CDIN1: variants seen among roughly 807,000 people sequenced by gnomAD.
The protein encoded by CDIN1 is CDAN1-interacting nuclease 1.
Under a neutral mutation model 45.3 loss-of-function variants are expected in CDIN1, and 33 were observed. That is an observed-to-expected ratio of 0.73 (90% CI 0.55 to 0.97). The LOEUF (loss-of-function observed/expected upper bound fraction) is 0.97, where lower values mean the gene tolerates loss of function less well. Among genes scored for constraint, CDIN1 ranks in the 50% least tolerant of loss-of-function variants. The pLI is 0.00. For synonymous variants in CDIN1, 118 were observed against 124.4 expected, an observed-to-expected ratio of 0.95 and a Z score of 0.34; for missense variants, 303 against 339.4, an observed-to-expected ratio of 0.89 and a Z score of 0.84.
At chr15:36,722,153 T>C (rs2043443696) in intron 10 of CDIN1, among the ~76,000 whole-genome samples, 1 of 152,208 alleles carries the variant, frequency 6.6e-6, no homozygotes, top group African/African-American at 2.4e-5. Context: ...TTTTAACACA[T>C]AGTTTAACAG....
chr15:36,749,912 A>G (rs765792092), intron 10 of CDIN1, among the ~76,000 whole-genome samples: 29 of 152,166 alleles, frequency 1.9e-4, no homozygotes, highest in Non-Finnish European at 3.7e-4. Flanking sequence ...AGGTCCCCCG[A>G]CCTTTTGGCC....
rs563055942 is a variant in CDIN1 at position 36,734,224 on chromosome 15, C to T, written c.716+24263C>T. ...AGTCTTCCCCCTCCTAAAAGGAGTC[C>T]TTTTACCCAAATTAAAGTTTAAAAT... On this transcript the variant is annotated intron_variant, in intron 10 of 10. Coordinates refer to ENST00000566621, the MANE Select transcript of CDIN1 (RefSeq NM_001321759.2). 6 of 236,206 alleles carry T rather than the reference C, an allele frequency of 2.5e-5. No individual in the cohort carries two copies. In the East Asian group the frequency reaches 4.0e-4, roughly 16 times the overall value. The allele number at this position is 236,206 out of a possible 1,614,324, so 14.6% of individuals were successfully genotyped here.
chr15:36,737,485 A>T (rs1282858805), intron 10 of CDIN1, among the ~76,000 whole-genome samples: 1 of 152,212 alleles, frequency 6.6e-6, no homozygotes, highest in Admixed American at 6.5e-5. Context: ...GACAGGGACT[A>T]CATGGAGTAC....
At chr15:36,675,201 T>C (rs574757385) in intron 5 of CDIN1, among the ~76,000 whole-genome samples, 1 of 152,270 alleles carries the variant, frequency 6.6e-6, no homozygotes, top group African/African-American at 2.4e-5. Flanking sequence ...AACATTTTTT[T>C]CTGCTAAAGT....
intron 5 of CDIN1, among the ~76,000 whole-genome samples, chr15:36,658,561 G>T (rs984627968): frequency 6.6e-6 from 1 of 152,110 alleles, no homozygotes. Context: ...CTTTTACTAG[G>T]CAGGAGTTTG....
At chr15:36,590,811 C>T (rs753127571) in intron 1 of CDIN1, among the ~76,000 whole-genome samples, 1 of 152,092 alleles carries the variant, frequency 6.6e-6, no homozygotes, top group Non-Finnish European at 1.5e-5. Flanking sequence ...TTGAAAATCC[C>T]CAAGTTTGCA....
At chr15:36,657,108 G>A (rs1339436252) in intron 4 of CDIN1, among the ~76,000 whole-genome samples, 2 of 152,004 alleles carry the variant, frequency 1.3e-5, no homozygotes, top group South Asian at 2.1e-4. Flanking sequence ...AATGACTGTC[G>A]GACTGAATAT....
chr15:36,790,114 C>G (rs11857264), intron 10 of CDIN1: 122,137 of 152,158 alleles, frequency 0.8, 51,885 homozygotes, highest in East Asian at 0.95. Flanking sequence ...ATGGACCTAG[C>G]TGATCTGATT....
chr15:36,668,268 G>A (rs971251313), intron 5 of CDIN1: 3 of 152,108 alleles, frequency 2.0e-5, no homozygotes, highest in Non-Finnish European at 4.4e-5. Context: ...TGACTCTAGG[G>A]TTGAGAGGGT....
At chr15:36,803,595 T>C (rs1259088419) in intron 10 of CDIN1, among the ~76,000 whole-genome samples, 2 of 152,240 alleles carry the variant, frequency 1.3e-5, no homozygotes, top group Non-Finnish European at 2.9e-5. Flanking sequence ...TCCATGTTTT[T>C]GAAAGTTTCA....
intron 8 of CDIN1, chr15:36,704,560 T>A (rs1327659800): frequency 6.9e-6 from 1 of 144,030 alleles, no homozygotes; most frequent in Non-Finnish European, 1.5e-5. Context: ...TATTGAGTGA[T>A]ACAGTGTTTT....
At chr15:36,689,631 C>T (rs1163231203) in intron 5 of CDIN1, among the ~76,000 whole-genome samples, 1 of 152,212 alleles carries the variant, frequency 6.6e-6, no homozygotes, top group Non-Finnish European at 1.5e-5. Context: ...TCCCCTCTGA[C>T]TGGCCAGGCC....
chr15:36,717,076 C>T (rs2043241389), intron 10 of CDIN1, among the ~76,000 whole-genome samples: 1 of 152,144 alleles, frequency 6.6e-6, no homozygotes, highest in Admixed American at 6.5e-5. Flanking sequence ...CTCCAGCATA[C>T]AAGTTTTAGA....
intron 10 of CDIN1, among the ~76,000 whole-genome samples, chr15:36,718,777 A>T (rs980359976): frequency 9.1e-5 from 13 of 142,596 alleles, no homozygotes; most frequent in Non-Finnish European, 1.2e-4. Context: ...TATGTTGTTT[A>T]TAAAGACTAT....
chr15:36,702,483 C>A (rs2042680500), intron 8 of CDIN1, among the ~76,000 whole-genome samples: 1 of 151,208 alleles, frequency 6.6e-6, no homozygotes, highest in Non-Finnish European at 1.5e-5. Flanking sequence ...GTTGTTGTGA[C>A]CACTTACGAT....
chr15:36,687,852 A>G (rs955300068), intron 5 of CDIN1, among the ~76,000 whole-genome samples: 1 of 152,200 alleles, frequency 6.6e-6, no homozygotes, highest in Admixed American at 6.5e-5. Flanking sequence ...GATCACATAT[A>G]AAAACACAAG....
At chr15:36,672,106 G>A (rs1358604708) in intron 5 of CDIN1, among the ~76,000 whole-genome samples, 1 of 151,754 alleles carries the variant, frequency 6.6e-6, no homozygotes, top group Non-Finnish European at 1.5e-5. Context: ...AAAGTGGAAT[G>A]TTAAATTTTA....
At position 36,709,953 on chromosome 15, in the gene CDIN1, C is replaced by T; in HGVS notation, c.708C>T (p.Tyr236=). The part of the protein sequence containing the change: ...HAYLHDQFWS[Y]WNRFGPGLVI... ...ACCTGCATGACCAGTTCTGGAGCTACTGGAATAGGTAAGGTCTCATTATTT... is the reference window on the plus strand; with the variant it reads ...ACCTGCATGACCAGTTCTGGAGCTATTGGAATAGGTAAGGTCTCATTATTT... The change falls in exon 10 of 11, where the codon TAC becomes TAT. Residue 236 remains tyrosine, a synonymous_variant. Coordinates refer to ENST00000566621, the MANE Select transcript of CDIN1 (RefSeq NM_001321759.2). The T allele has an allele frequency of 1.9e-6, 3 of 1,608,430 alleles. No homozygotes were observed. The highest frequency in any genetic ancestry group is 2.6e-6 in the Non-Finnish European group (3 of 1,175,678).
chr15:36,633,653 G>A (rs112096351), intron 1 of CDIN1, among the ~76,000 whole-genome samples: 120 of 151,836 alleles, frequency 7.9e-4, no homozygotes, highest in African/African-American at 2.7e-3. Context: ...ATGTCCTACC[G>A]GAAGACTCTG....
Sources: gnomAD v4.1 joint callset for allele counts (sites outside exome capture counted in the v4.1 genomes callset) on GRCh38, gnomAD v4.1.1 for gene constraint, MANE v1.5 for transcripts, NCBI Gene and HGNC (gene_info 2026-07-23, HGNC 2026-07-21) for gene names.